The following LMBR1 variants were observed in gnomAD, a reference collection of about 807,000 sequenced individuals.
LMBR1 encodes limb region 1 protein homolog.
In LMBR1, 52 loss-of-function variants were observed where a neutral mutation model predicts 73.9. The ratio of observed to expected loss-of-function variants is 0.70; its 90% confidence interval spans 0.56 to 0.89. The LOEUF is 0.89. Ranked by LOEUF, LMBR1 falls within the 40% of genes least tolerant of loss-of-function variation. LMBR1 has a pLI of 0.00. For synonymous variants in LMBR1, 215 were observed against 209.4 expected (o/e 1.03, Z -0.23); for missense variants, 539 against 579.8 (o/e 0.93, Z 0.72).
chr7:156,759,569 T>C (rs1822580521), intron 8 of LMBR1, among the ~76,000 whole-genome samples: 1 of 152,240 alleles, frequency 6.6e-6, no homozygotes, highest in Non-Finnish European at 1.5e-5. Flanking sequence ...TGTTTATTGC[T>C]AGCATATATA....
intron 1 of LMBR1, among the ~76,000 whole-genome samples, chr7:156,870,161 C>G (rs1030754863): frequency 1.3e-5 from 2 of 152,110 alleles, no homozygotes; most frequent in Admixed American, 1.3e-4. Flanking sequence ...AACATCCAGA[C>G]AGAAGATCAA....
chr7:156,719,203 T>G (rs1240660525), intron 15 of LMBR1, among the ~76,000 whole-genome samples: 1 of 144,798 alleles, frequency 6.9e-6, no homozygotes, highest in Non-Finnish European at 1.5e-5. Flanking sequence ...CATTGTTCAA[T>G]TCCCACCTAT....
intron 15 of LMBR1, among the ~76,000 whole-genome samples, chr7:156,705,499 C>A (rs1039899402): frequency 6.6e-6 from 1 of 152,110 alleles, no homozygotes; most frequent in Non-Finnish European, 1.5e-5. Context: ...GTAGAGGTTG[C>A]AGTGAGCTGT....
rs1251673090 is a variant in LMBR1 at position 156,796,976 on chromosome 7, C to T, written c.320-484G>A. On this transcript the variant is annotated intron_variant, in intron 4 of 16. Transcript: ENST00000353442. ...ATTCTAAGTGATTTACAGACATTATCCGAACTCATTTACTTGCCACAGCAA... is the reference window on the plus strand; with the variant it reads ...ATTCTAAGTGATTTACAGACATTATTCGAACTCATTTACTTGCCACAGCAA... 4.6e-5 allele frequency among the ~76,000 whole-genome samples: 7 copies of T among 152,300 alleles called. No homozygotes were observed. The East Asian group carries it at 1.3e-3, about 29-fold the overall frequency.
chr7:156,802,235 G>A (rs961558756), intron 4 of LMBR1, among the ~76,000 whole-genome samples: 5 of 151,938 alleles, frequency 3.3e-5, no homozygotes, highest in East Asian at 1.9e-4. Context: ...CACTCGCTTC[G>A]GCCTTCCAAA....
At chr7:156,687,822 C>A (rs1469820780) in intron 16 of LMBR1, among the ~76,000 whole-genome samples, 1 of 152,120 alleles carries the variant, frequency 6.6e-6, no homozygotes, top group African/African-American at 2.4e-5. Context: ...TTCACAAAAA[C>A]CCTAACAGGA....
intron 1 of LMBR1, among the ~76,000 whole-genome samples, chr7:156,838,716 TC>T (rs74825186): frequency 0.11 from 16,598 of 152,172 alleles, 1,157 homozygotes; most frequent in East Asian, 0.29. Flanking sequence ...TGATTTCATT[TC>T]TTTTGGATAT....
intron 10 of LMBR1, among the ~76,000 whole-genome samples, chr7:156,732,244 G>T (rs915413359): frequency 6.6e-6 from 1 of 152,100 alleles, no homozygotes; most frequent in African/African-American, 2.4e-5. Context: ...TCTGATCGTG[G>T]AAGAACAATG....
intron 7 of LMBR1, among the ~76,000 whole-genome samples, chr7:156,762,447 T>C (rs1318053734): frequency 6.6e-6 from 1 of 152,184 alleles, no homozygotes; most frequent in African/African-American, 2.4e-5. Context: ...AAAAAAGGCT[T>C]AGAATAATAT....
At chr7:156,755,533 C>T (rs1002111329) in intron 9 of LMBR1, among the ~76,000 whole-genome samples, 16 of 152,160 alleles carry the variant, frequency 1.1e-4, no homozygotes, top group African/African-American at 3.9e-4. Context: ...ATGTTTATTG[C>T]ACAGTAGCAT....
intron 1 of LMBR1, among the ~76,000 whole-genome samples, chr7:156,868,807 A>C (rs1261121979): frequency 6.6e-6 from 1 of 152,104 alleles, no homozygotes; most frequent in Admixed American, 6.5e-5. Flanking sequence ...CTCTACAAAA[A>C]ATATAAAACT....
At chr7:156,820,724 T>G (rs1189202798) in intron 4 of LMBR1, among the ~76,000 whole-genome samples, 1 of 152,166 alleles carries the variant, frequency 6.6e-6, no homozygotes, top group Admixed American at 6.5e-5. Flanking sequence ...ACATTTCTCA[T>G]TTGCGTGTGT....
At chr7:156,856,478 T>C (rs1234377235) in intron 1 of LMBR1, among the ~76,000 whole-genome samples, 1 of 152,042 alleles carries the variant, frequency 6.6e-6, no homozygotes, top group African/African-American at 2.4e-5. Context: ...CCCAGCACTG[T>C]GGGAGGCCAA....
At chr7:156,708,740 G>A (rs1390454553) in intron 15 of LMBR1, among the ~76,000 whole-genome samples, 1 of 152,236 alleles carries the variant, frequency 6.6e-6, no homozygotes, top group Non-Finnish European at 1.5e-5. Context: ...ACCACGGACA[G>A]TGTGGGCAGA....
At chr7:156,789,708 TGCAGGCCTGTGG>T (rs1828856791) in intron 5 of LMBR1, among the ~76,000 whole-genome samples, 1 of 152,220 alleles carries the variant, frequency 6.6e-6, no homozygotes, top group Non-Finnish European at 1.5e-5. Flanking sequence ...GCTCTTGTCC[TGCAGGCCTGTGG>T]TATCCTAATG....
chr7:156,810,870 G>A (rs141313315), intron 4 of LMBR1, among the ~76,000 whole-genome samples: 368 of 151,298 alleles, frequency 2.4e-3, no homozygotes, highest in Middle Eastern at 0.02. Context: ...GTACAGTGGC[G>A]CAATCTTGGC....
chr7:156,726,005 T>C, intron 12 of LMBR1, 168 bp from the exon 13 acceptor site: 2 of 462,712 alleles, frequency 4.3e-6, no homozygotes, highest in Admixed American at 4.2e-5. Flanking sequence ...ACTGATTTCA[T>C]CAACAAATTC....
intron 1 of LMBR1, among the ~76,000 whole-genome samples, chr7:156,847,641 G>A (rs1056198838): frequency 1.3e-5 from 2 of 151,628 alleles, no homozygotes; most frequent in African/African-American, 4.8e-5. Flanking sequence ...CCTCATGAGT[G>A]AAGATACGCA....
At chr7:156,777,032 C>T (rs1362521395) in intron 5 of LMBR1, among the ~76,000 whole-genome samples, 2 of 151,802 alleles carry the variant, frequency 1.3e-5, no homozygotes, top group Admixed American at 1.3e-4. Context: ...CCTGGGTTCA[C>T]GCCACTCTCC....
Sources: allele counts gnomAD v4.1 joint callset (sites outside exome capture counted in the v4.1 genomes callset), GRCh38; gene constraint gnomAD v4.1.1; transcripts MANE v1.5; gene names NCBI Gene and HGNC (gene_info 2026-07-23, HGNC 2026-07-21).